FNIP2: variants seen among roughly 807,000 people sequenced by gnomAD.
The protein encoded by FNIP2 is folliculin interacting protein 2.
Under a neutral mutation model 108.7 loss-of-function variants are expected in FNIP2, and 32 were observed. That is an observed-to-expected ratio of 0.29 (90% CI 0.22 to 0.40). FNIP2 has a LOEUF of 0.40. FNIP2 is among the 10% of genes least tolerant of loss of function. The pLI is 1.00. For synonymous variants in FNIP2, 480 were observed against 496.7 expected (o/e 0.97, Z 0.45); for missense variants, 1,202 against 1,381.6 (o/e 0.87, Z 2.06).
Position 158,769,291 on chromosome 4 carries a change from A to G in FNIP2, c.79A>G (p.Arg27Gly), listed in dbSNP as rs1302031777. 3 of 1,530,780 alleles carry G rather than the reference A, an allele frequency of 2.0e-6. No individual in the cohort carries two copies. Among genetic ancestry groups the G allele is most frequent in the Admixed American group, 2.0e-5 (1 of 49,924 alleles). The allele number at this position is 1,530,780 out of a possible 1,614,324, so 94.8% of individuals were successfully genotyped here. ...GSSAAASAQG[R>G]APKEGPAFSW... ...CTCCGCGGCGGCGTCTGCCCAGGGC[A>G]GGGCTCCTAAGGAAGGACCCGCCTT... is the stretch of plus-strand genomic sequence containing the variant. The change falls in exon 1 of 17, where the codon AGG (arginine) becomes GGG (glycine). Residue 27 changes from arginine to glycine, a missense_variant. Transcript: ENST00000264433.
intron 7 of FNIP2, among the ~76,000 whole-genome samples, chr4:158,843,317 A>C (rs182370140): frequency 6.6e-6 from 1 of 152,332 alleles, no homozygotes; most frequent in Non-Finnish European, 1.5e-5. Flanking sequence ...TTCTGTCCAG[A>C]AATGTGTTTC....
chr4:158,891,399 G>A lies in FNIP2; in HGVS notation c.2950-47G>A, dbSNP rs1162801178. ...ATCAGTAGTGAAACTTTGACCTTTT[G>A]GACTCACCTGGATAAATAAACCCAT... On this transcript the variant is annotated intron_variant, in intron 14 of 16. Coordinates refer to ENST00000264433, the MANE Select transcript of FNIP2 (RefSeq NM_020840.3). The A allele has an allele frequency of 2.6e-6, 4 of 1,525,914 alleles. No homozygotes were observed. The South Asian group carries it at 4.8e-5, about 18-fold the overall frequency. The allele number at this position is 1,525,914 out of a possible 1,614,324, so 94.5% of individuals were successfully genotyped here.
At chr4:158,884,919 T>A (rs1430736037) in intron 14 of FNIP2, among the ~76,000 whole-genome samples, 1 of 148,528 alleles carries the variant, frequency 6.7e-6, no homozygotes, top group African/African-American at 2.5e-5. Flanking sequence ...GGCAGGCGGA[T>A]CACTTGAGGC....
At chr4:158,851,660 A>G (rs921346630) in intron 8 of FNIP2, among the ~76,000 whole-genome samples, 6 of 152,234 alleles carry the variant, frequency 3.9e-5, no homozygotes, top group Non-Finnish European at 8.8e-5. Context: ...TTTGGAAGAC[A>G]CTGGGGAGTA....
At chr4:158,892,141 CTT>C (rs34895070) in intron 15 of FNIP2, among the ~76,000 whole-genome samples, 337 of 113,474 alleles carry the variant, frequency 3.0e-3, no homozygotes, top group African/African-American at 6.9e-3. Flanking sequence ...TCAATTGTTG[CTT>C]TTTTTTTTTT....
At chr4:158,775,006 G>T (rs905045920) in intron 1 of FNIP2, among the ~76,000 whole-genome samples, 2 of 152,172 alleles carry the variant, frequency 1.3e-5, no homozygotes, top group Non-Finnish European at 2.9e-5. Context: ...AAGAGCATTG[G>T]TTTTTGTTGT....
chr4:158,805,103 A>G (rs1230455491), intron 1 of FNIP2, among the ~76,000 whole-genome samples: 1 of 152,224 alleles, frequency 6.6e-6, no homozygotes, highest in Non-Finnish European at 1.5e-5. Flanking sequence ...CGTACATTAA[A>G]AGTAATGGCA....
chr4:158,780,580 G>A (rs1578815566), intron 1 of FNIP2, among the ~76,000 whole-genome samples: 1 of 152,154 alleles, frequency 6.6e-6, no homozygotes, highest in Admixed American at 6.5e-5. Flanking sequence ...GAACACTTGA[G>A]GCTTGCCTGA....
At chr4:158,857,280 A>T (rs1191239607) in intron 8 of FNIP2, among the ~76,000 whole-genome samples, 1 of 152,260 alleles carries the variant, frequency 6.6e-6, no homozygotes, top group Non-Finnish European at 1.5e-5. Flanking sequence ...AGCAAGCCTT[A>T]TTGTAATATA....
Position 158,871,669 on chromosome 4 carries a change from G to C in FNIP2, c.2949+1200G>C, listed in dbSNP as rs572043845. On this transcript the variant is annotated intron_variant, in intron 14 of 16. Coordinates refer to ENST00000264433, the MANE Select transcript of FNIP2 (RefSeq NM_020840.3). ...GCCAAACGTTCCTAACCCCACCCCT[G>C]CTTTGTGGTCACATGCCACCCCTCA... 7.1e-6 allele frequency: 7 copies of C among 985,318 alleles called. No individual in the cohort carries two copies. The Admixed American group carries it at 4.3e-4, about 61-fold the overall frequency. The allele number at this position is 985,318 out of a possible 1,614,324, so 61.0% of individuals were successfully genotyped here.
chr4:158,780,112 G>T (rs925904563), intron 1 of FNIP2, among the ~76,000 whole-genome samples: 13 of 151,954 alleles, frequency 8.6e-5, no homozygotes, highest in African/African-American at 3.1e-4. Flanking sequence ...TGGGTCTGAG[G>T]TGGTGGAATC....
chr4:158,831,420 T>C lies in FNIP2; in HGVS notation c.382-441T>C, dbSNP rs189293193. Among the ~76,000 whole-genome samples, 17 of 152,360 alleles carry C rather than the reference T, an allele frequency of 1.1e-4. No individual in the cohort carries two copies. In the East Asian group the frequency reaches 2.7e-3, roughly 24 times the overall value. On this transcript the variant is annotated intron_variant, in intron 3 of 16. Coordinates refer to ENST00000264433, the MANE Select transcript of FNIP2 (RefSeq NM_020840.3). ...TTTTGGGCCCTCATAAAACCCTATC[T>C]GCAGCAATGGGCATTTTTTATTCCA...
intron 1 of FNIP2, among the ~76,000 whole-genome samples, chr4:158,791,266 C>T (rs1420537780): frequency 1.0e-5 from 1 of 98,050 alleles, no homozygotes. Flanking sequence ...ACTGAGGATC[C>T]TTTTTTTTTT....
Position 158,895,808 on chromosome 4 carries a change from C to T in FNIP2, c.3209C>T (p.Ser1070Phe). Reference protein sequence around the residue: ...QEMYLKSKMLSEYLRGHTRVH... With the variant: ...QEMYLKSKMLFEYLRGHTRVH... Reference sequence around the variant, plus strand: ...ATGTACCTTAAAAGTAAAATGCTATCTGAATATCTCCGGGGACACACACGA... The same window carrying T: ...ATGTACCTTAAAAGTAAAATGCTATTTGAATATCTCCGGGGACACACACGA... Residue 1070 changes from serine to phenylalanine, a missense_variant, in exon 16 of 17, where the codon TCT (serine) becomes TTT (phenylalanine). This residue lies in a region of FNIP2 where 142 missense variants were observed against 183.8 expected (regional missense o/e 0.77). Transcript: ENST00000264433. The T allele has an allele frequency of 6.2e-7, 1 of 1,613,326 alleles. No homozygotes were observed. The highest frequency in any genetic ancestry group is 8.5e-7 in the Non-Finnish European group (1 of 1,179,610).
At chr4:158,850,246 C>T (rs1160249266) in intron 7 of FNIP2, among the ~76,000 whole-genome samples, 1 of 152,112 alleles carries the variant, frequency 6.6e-6, no homozygotes, top group Non-Finnish European at 1.5e-5. Flanking sequence ...TGATTTGTTT[C>T]AGAAAATGTT....
At position 158,868,389 on chromosome 4, in the gene FNIP2, C is replaced by T. The variant is rs202187267; in HGVS notation, c.1753C>T (p.Pro585Ser). 4.3e-5 allele frequency: 70 copies of T among 1,614,006 alleles called. No individual in the cohort carries two copies. In the African/African-American group the frequency reaches 8.5e-4, roughly 20 times the overall value. ...CGCTCTTGTACCCCCCATCCTACCA[C>T]CAACAGCAGCAGAGAGACACAACCC... is the stretch of plus-strand genomic sequence containing the variant. ...EPALVPPILP[P>S]TAAERHNPWP... is the part of the protein sequence containing the mutation. Residue 585 changes from proline (P) to serine (S), a missense_variant, in exon 13 of 17, where the codon CCA (proline) becomes TCA (serine). Physicochemically the swap from Pro to Ser is moderately conservative, Grantham distance 74. Transcript: ENST00000264433. The surrounding 1 kb of genome is among the most constrained non-coding windows in gnomAD (Gnocchi z 4.6).
chr4:158,897,689 G>A (rs1782814354), intron 16 of FNIP2, among the ~76,000 whole-genome samples: 1 of 151,980 alleles, frequency 6.6e-6, no homozygotes, highest in African/African-American at 2.4e-5. Context: ...TGATGGGGTT[G>A]TTTTTTTCTT....
chr4:158,880,646 A>G (rs1260652528), intron 14 of FNIP2, among the ~76,000 whole-genome samples: 1 of 152,238 alleles, frequency 6.6e-6, no homozygotes, highest in African/African-American at 2.4e-5. Context: ...GTTTAAGAAT[A>G]ATGAGTGATA....
At position 158,832,107 on chromosome 4, in the gene FNIP2, A is replaced by G; in HGVS notation, c.523A>G (p.Arg175Gly). 1 of 1,613,906 alleles carries G rather than the reference A, an allele frequency of 6.2e-7. No individual in the cohort carries two copies. The highest frequency in any genetic ancestry group is 2.2e-5 in the East Asian group (1 of 44,870). ...QLMISKVFSA[R>G]MGSFCGSTNN... is the part of the protein sequence containing the mutation. ...GATGATTAGTAAAGTCTTCTCTGCT[A>G]GAATGGGCAGCTTCTGTGGAAGTAC... The change falls in exon 5 of 17, where the codon AGA becomes GGA. Residue 175 changes from arginine to glycine, a missense_variant. Physicochemically the swap from Arg to Gly is moderately radical, Grantham distance 125 (BLOSUM62 -2). Transcript: ENST00000264433.
Sources: gnomAD v4.1 joint callset for allele counts (sites outside exome capture counted in the v4.1 genomes callset) on GRCh38, gnomAD v4.1.1 for gene constraint, gnomAD v4.1.1 regional missense constraint, Gnocchi (gnomAD v3.1) non-coding constraint, MANE v1.5 for transcripts, NCBI Gene and HGNC (gene_info 2026-07-23, HGNC 2026-07-21) for gene names.